The following RNF213 variants were observed in gnomAD, a reference collection of about 807,000 sequenced individuals.
RNF213 encodes E3 ubiquitin-protein ligase RNF213.
Under a neutral mutation model 514.4 loss-of-function variants are expected in RNF213, and 341 were observed. That is an observed-to-expected ratio of 0.66 (90% CI 0.61 to 0.73). The LOEUF is 0.73. RNF213 is among the 30% of genes least tolerant of loss of function. The pLI is 0.00. For missense variants in RNF213, 5,767 were observed against 6,615.6 expected (o/e 0.87, Z 4.45); for synonymous variants, 2,655 against 2,658.2 (o/e 1.00, Z 0.04).
intron 36 of RNF213, chr17:80,355,236 C>T (rs188969691): frequency 2.2e-6 from 1 of 455,840 alleles, no homozygotes; most frequent in East Asian, 7.0e-5. Flanking sequence ...CCTTCCAGGT[C>T]CAAGCTTCTG....
chr17:80,369,374 G>C (rs969820810), intron 44 of RNF213, 128 bp from the exon 45 acceptor site: 7 of 925,024 alleles, frequency 7.6e-6, no homozygotes, highest in East Asian at 7.2e-5. Context: ...CTCCAGCCTG[G>C]GCAACAAGAG....
rs1769756870 is a variant in RNF213, at chr17:80,263,701, A to G, written c.20A>G (p.Gln7Arg). 1 of 1,614,016 alleles carries G rather than the reference A, an allele frequency of 6.2e-7. No individual in the cohort carries two copies. Among genetic ancestry groups the G allele is most frequent in the South Asian group, 1.1e-5 (1 of 91,086 alleles). MECPSCQHVSKEETPKF... is the reference protein window; with the variant it reads MECPSCRHVSKEETPKF... Reference sequence around the variant, plus strand: ...GGACCCATGGAGTGTCCTTCGTGCCAGCATGTCTCCAAGGAGGAAACCCCC... The same window carrying G: ...GGACCCATGGAGTGTCCTTCGTGCCGGCATGTCTCCAAGGAGGAAACCCCC... Residue 7 changes from glutamine to arginine, a missense_variant, in exon 2 of 68, where the codon CAG becomes CGG. This residue lies in a region of RNF213 where 509 missense variants were observed against 496.7 expected (regional missense o/e 1.02). Transcript: ENST00000582970. The surrounding 1 kb of genome is among the most constrained non-coding windows in gnomAD (Gnocchi z 4.9).
Position 80,323,978 on chromosome 17 carries a change from C to CGT in RNF213, c.3025-1036_3025-1035dup, listed in dbSNP as rs143806303. Among the ~76,000 whole-genome samples the CGT allele has an allele frequency of 4.9e-3, 726 of 149,488 alleles. 2 individuals carry two copies. Among genetic ancestry groups the CGT allele is most frequent in the African/African-American group, 0.016 (650 of 40,908 alleles). Reference sequence around the variant, plus strand: ...CATTTGGTAGCTCAAATTGTGTGTGCGTGTGTGTGTGTGTGTGCATGAGAG... The same window carrying CGT: ...CATTTGGTAGCTCAAATTGTGTGTGCGTGTGTGTGTGTGTGTGTGCATGAGAG... On this transcript the variant is annotated intron_variant, in intron 17 of 67. Coordinates refer to ENST00000582970, the MANE Select transcript of RNF213 (RefSeq NM_001256071.3).
chr17:80,330,111 ATATT>A (rs1279953949), intron 20 of RNF213, among the ~76,000 whole-genome samples: 2 of 152,124 alleles, frequency 1.3e-5, no homozygotes, highest in Non-Finnish European at 2.9e-5. Context: ...TTTCGTATAT[ATATT>A]TAATGTAGAG....
intron 1 of RNF213, among the ~76,000 whole-genome samples, chr17:80,261,222 G>T (rs2043405944): frequency 6.6e-6 from 1 of 152,206 alleles, no homozygotes; most frequent in Admixed American, 6.5e-5. Context: ...CCCCCGGGAA[G>T]TGGCCGGGGC....
Position 80,385,601 on chromosome 17 carries a change from G to A in RNF213, c.14519G>A (p.Arg4840Lys), listed in dbSNP as rs2080202914. The A allele has an allele frequency of 6.2e-7, 1 of 1,614,002 alleles. No individual in the cohort carries two copies. Among genetic ancestry groups the A allele is most frequent in the East Asian group, 2.2e-5 (1 of 44,892 alleles). Residue 4840 changes from arginine (R) to lysine (K), a missense_variant, in exon 61 of 68, where the codon AGG becomes AAG. By Grantham distance (26) the Arg-to-Lys change is conservative (BLOSUM62 2). Coordinates refer to ENST00000582970, the MANE Select transcript of RNF213 (RefSeq NM_001256071.3). ...TVFLSTWNKL[R>K]RSLETNGEIN... is the part of the protein sequence containing the mutation. The stretch of plus-strand genomic sequence containing the variant: ...TTTCTGTCCACATGGAACAAACTGA[G>A]GAGATCGCTTGAGACGAACGGTTAG...
intron 11 of RNF213, among the ~76,000 whole-genome samples, chr17:80,299,759 A>G (rs531090635): frequency 2.7e-4 from 41 of 151,848 alleles, no homozygotes; most frequent in East Asian, 9.7e-4. Flanking sequence ...GTTCCCCTCT[A>G]TGTGTCCCTG....
At chr17:80,389,455 C>T in intron 65 of RNF213, 88 bp downstream of exon 65, 1 of 1,175,604 alleles carries the variant, frequency 8.5e-7, no homozygotes, top group South Asian at 1.3e-5. Flanking sequence ...CAGGGAGTGC[C>T]ACTCTAGGCG....
At chr17:80,376,846 C>A in intron 52 of RNF213, 36 bp from the exon 53 acceptor site, 3 of 1,575,902 alleles carry the variant, frequency 1.9e-6, no homozygotes, top group Non-Finnish European at 2.6e-6. Flanking sequence ...GACAAGCTCA[C>A]TTATCTAGAG....
At chr17:80,336,756 T>C in intron 23 of RNF213, 1 of 350,714 alleles carries the variant, frequency 2.9e-6, no homozygotes, top group Non-Finnish European at 5.6e-6. Flanking sequence ...CATTTAAAAT[T>C]AGCCAGGCAT....
chr17:80,317,075 GCGGAGTCC>G lies in RNF213; in HGVS notation c.2812-110_2812-103del. The G allele has an allele frequency of 8.7e-7, 1 of 1,143,602 alleles. No homozygotes were observed. 70.8% of individuals were successfully genotyped at this position (1,143,602 alleles called of 1,614,324 possible). ...AAGGTTGGGGAGAGCCCTGGTGTTC[GCGGAGTCC>G]CGCGCTCTCTGTATTGCCGTAATGC... On this transcript the variant is annotated intron_variant, in intron 15 of 67. Coordinates refer to ENST00000582970, the MANE Select transcript of RNF213 (RefSeq NM_001256071.3). This position sits in a 1 kb window ranked among gnomAD's most constrained non-coding sequence, Gnocchi z 4.1.
chr17:80,335,366 AG>A (rs2077959553), intron 22 of RNF213, among the ~76,000 whole-genome samples: 1 of 152,082 alleles, frequency 6.6e-6, no homozygotes, highest in Non-Finnish European at 1.5e-5. Flanking sequence ...GTGGCAGTGC[AG>A]GTGTGCTCGG....
rs889977935 is a variant in RNF213 at position 80,353,095 on chromosome 17, G to C, written c.10423+36G>C. The C allele has an allele frequency of 7.5e-6, 12 of 1,607,368 alleles. No homozygotes were observed. The highest frequency in any genetic ancestry group is 1.7e-5 in the Admixed American group (1 of 60,030). ...AGGCGGAGCCCCTGGGGGAGCAGGT[G>C]GTGGAAGGGCAGATGGCAGGTGTGG... is the stretch of plus-strand genomic sequence containing the variant. On this transcript the variant is annotated intron_variant, in intron 33 of 67. Transcript: ENST00000582970. This position sits in a 1 kb window ranked among gnomAD's most constrained non-coding sequence, Gnocchi z 5.0.
chr17:80,327,718 G>C lies in RNF213; in HGVS notation c.3194-98G>C, dbSNP rs141934186. ...AGCCATTGCCTGTGTTTGAGGAAGT[G>C]GGGGCAGAACAAGAGGTTATCTGGA... On this transcript the variant is annotated intron_variant, in intron 18 of 67. Transcript: ENST00000582970. The C allele has an allele frequency of 7.8e-6, 8 of 1,031,342 alleles. No individual in the cohort carries two copies. In the East Asian group the frequency reaches 2.1e-4, roughly 27 times the overall value. 63.9% of individuals were successfully genotyped at this position (1,031,342 alleles called of 1,614,324 possible). A position where few individuals can be genotyped will look rare whatever the true frequency, so the allele number is the denominator to read the frequency against.
chr17:80,285,940 T>C (rs570781363), intron 3 of RNF213, among the ~76,000 whole-genome samples: 10 of 152,174 alleles, frequency 6.6e-5, no homozygotes, highest in African/African-American at 2.4e-4. Context: ...CCTCCCAAAG[T>C]GCTAGGATTA....
At chr17:80,283,281 C>T (rs559501648) in intron 3 of RNF213, among the ~76,000 whole-genome samples, 5 of 152,056 alleles carry the variant, frequency 3.3e-5, no homozygotes, top group East Asian at 3.9e-4. Flanking sequence ...GCAGTTCACA[C>T]GGGAAGAGCT....
At chr17:80,278,267 C>G (rs974843656) in intron 3 of RNF213, among the ~76,000 whole-genome samples, 61 of 152,348 alleles carry the variant, frequency 4.0e-4, no homozygotes, top group African/African-American at 8.4e-4. Context: ...AGGGAGGTGT[C>G]GGATGAGCAT....
At chr17:80,304,053 A>G (rs957549308) in intron 11 of RNF213, among the ~76,000 whole-genome samples, 1 of 151,546 alleles carries the variant, frequency 6.6e-6, no homozygotes, top group Non-Finnish European at 1.5e-5. Flanking sequence ...AGAAATATAG[A>G]GTACCTTTTA....
intron 2 of RNF213, among the ~76,000 whole-genome samples, chr17:80,269,511 T>TATCC (rs1026846164): frequency 6.6e-6 from 1 of 151,750 alleles, no homozygotes; most frequent in East Asian, 2.0e-4. Context: ...CTATTCTATC[T>TATCC]ATCCATCCAT....
Sources: gnomAD v4.1 joint callset for allele counts (sites outside exome capture counted in the v4.1 genomes callset) on GRCh38, gnomAD v4.1.1 for gene constraint, gnomAD v4.1.1 regional missense constraint, Gnocchi (gnomAD v3.1) non-coding constraint, MANE v1.5 for transcripts, NCBI Gene and HGNC (gene_info 2026-07-23, HGNC 2026-07-21) for gene names.